Variants in FBN1 observed in about 807,000 individuals in gnomAD.
FBN1 encodes the protein fibrillin-1.
A neutral mutation model predicts 365.1 loss-of-function variants in FBN1; 29 were observed. That is an observed-to-expected ratio of 0.08 (90% CI 0.06 to 0.11). The LOEUF (loss-of-function observed/expected upper bound fraction) is 0.11. Among genes scored for constraint, FBN1 ranks in the 10% least tolerant of loss-of-function variants. The pLI, the probability that FBN1 is intolerant of heterozygous loss-of-function variation, is 1.00. For missense variants in FBN1, 2,476 were observed against 3,703.2 expected (o/e 0.67, Z 8.60); for synonymous variants, 1,210 against 1,270.5 (o/e 0.95, Z 1.01).
intron 4 of FBN1, among the ~76,000 whole-genome samples, chr15:48,603,378 G>A (rs1439013443): frequency 1.3e-5 from 2 of 151,972 alleles, no homozygotes; most frequent in Admixed American, 6.6e-5. Flanking sequence ...AACTGTATTC[G>A]TTGTGAGTCT....
At chr15:48,621,578 A>G (rs1889766222) in intron 2 of FBN1, among the ~76,000 whole-genome samples, 1 of 152,256 alleles carries the variant, frequency 6.6e-6, no homozygotes, top group South Asian at 2.1e-4. Flanking sequence ...CTAAGAAAAC[A>G]TGACTACTAA....
chr15:48,497,345 G>T lies in FBN1; in HGVS notation c.2214C>A (p.Ile738=). Residue 738 remains isoleucine, a synonymous_variant, in exon 19 of 66, where the codon ATC becomes ATA. Transcript: ENST00000316623. ...ALDPDICPNG[I]CENLRGTYKC... ...TATAGGTCCCACGAAGGTTTTCACA[G>T]ATTCCATTTGGGCAAATATCAGGAT... 1 of 1,613,892 alleles carries T rather than the reference G, an allele frequency of 6.2e-7. No individual in the cohort carries two copies. The highest frequency in any genetic ancestry group is 8.5e-7 in the Non-Finnish European group (1 of 1,179,820).
At chr15:48,623,110 T>C (rs948118848) in intron 2 of FBN1, among the ~76,000 whole-genome samples, 1 of 152,252 alleles carries the variant, frequency 6.6e-6, no homozygotes, top group Non-Finnish European at 1.5e-5. Context: ...ATGTCTATTA[T>C]GCCTAGACTA....
At chr15:48,572,882 A>G (rs2044316683) in intron 6 of FBN1, among the ~76,000 whole-genome samples, 2 of 152,216 alleles carry the variant, frequency 1.3e-5, no homozygotes, top group African/African-American at 4.8e-5. Flanking sequence ...CTTATTAGTC[A>G]CTGCACTGTT....
intron 6 of FBN1, among the ~76,000 whole-genome samples, chr15:48,568,038 A>AAAG (rs781583852): frequency 4.3e-3 from 395 of 91,532 alleles, no homozygotes; most frequent in African/African-American, 0.025. Context: ...AGAAAGAAAG[A>AAAG]AAGAAAGAAA....
chr15:48,539,923 TC>T (rs1168459636), intron 6 of FBN1, among the ~76,000 whole-genome samples: 1 of 152,216 alleles, frequency 6.6e-6, no homozygotes, highest in Non-Finnish European at 1.5e-5. Flanking sequence ...GCTATCTTCT[TC>T]CACAGATACT....
intron 2 of FBN1, chr15:48,644,096 TG>T (rs1890245943): frequency 6.2e-6 from 1 of 161,762 alleles, no homozygotes; most frequent in African/African-American, 2.4e-5. Flanking sequence ...AAGGAAGCAT[TG>T]CCCAGAAAAC....
Position 48,488,533 on chromosome 15 carries a change from A to G in FBN1, c.3083-40T>C, listed in dbSNP as rs761474829. 6 of 1,606,244 alleles carry G rather than the reference A, an allele frequency of 3.7e-6. No individual in the cohort carries two copies. In the South Asian group the frequency reaches 6.6e-5, roughly 18 times the overall value. On this transcript the variant is annotated intron_variant, in intron 25 of 65. Coordinates refer to ENST00000316623, the MANE Select transcript of FBN1 (RefSeq NM_000138.5). ...AAATGTGGGGCAAAATAAGTTTATG[A>G]GCAAGCAGTCAGGAGGTCTCAATGC...
chr15:48,474,114 T>TC (rs1373745254), intron 34 of FBN1, 141 bp downstream of exon 34: 30 of 1,290,680 alleles, frequency 2.3e-5, no homozygotes, highest in Non-Finnish European at 3.1e-5. Context: ...ATTTTTTTTT[T>TC]CCCACAGAGC....
chr15:48,604,000 T>C (rs1253223694), intron 4 of FBN1, among the ~76,000 whole-genome samples: 1 of 152,216 alleles, frequency 6.6e-6, no homozygotes, highest in African/African-American at 2.4e-5. Flanking sequence ...ATTTCAGTCA[T>C]TCAACAGTGA....
intron 58 of FBN1, among the ~76,000 whole-genome samples, chr15:48,426,410 C>T (rs185468214): frequency 1.3e-5 from 2 of 152,230 alleles, no homozygotes; most frequent in East Asian, 3.9e-4. Context: ...CTTCTGTCCT[C>T]TGGTGAGGGG....
chr15:48,521,629 C>T (rs563450587), intron 9 of FBN1, among the ~76,000 whole-genome samples: 2 of 152,334 alleles, frequency 1.3e-5, no homozygotes, highest in East Asian at 3.9e-4. Context: ...CAGCGCAGCT[C>T]TGGGTTACGG....
At chr15:48,586,773 T>A (rs1364473440) in intron 6 of FBN1, among the ~76,000 whole-genome samples, 1 of 152,172 alleles carries the variant, frequency 6.6e-6, no homozygotes, top group Non-Finnish European at 1.5e-5. Flanking sequence ...ATCTTTAAAA[T>A]GAGGATCATA....
chr15:48,456,063 A>T lies in FBN1; in HGVS notation c.5422+574T>A, dbSNP rs541546241. ...TTTCCCAGATGCAGGAAAAAATATGAAGTGCTATAAGGAATGCTCCGAATC... is the reference window on the plus strand; with the variant it reads ...TTTCCCAGATGCAGGAAAAAATATGTAGTGCTATAAGGAATGCTCCGAATC... On this transcript the variant is annotated intron_variant, in intron 44 of 65. Transcript: ENST00000316623. Among the ~76,000 whole-genome samples the T allele has an allele frequency of 7.9e-5, 12 of 152,338 alleles. No homozygotes were observed. The South Asian group carries it at 2.5e-3, about 32-fold the overall frequency.
intron 8 of FBN1, among the ~76,000 whole-genome samples, chr15:48,530,495 C>T (rs1332699918): frequency 6.6e-6 from 1 of 152,134 alleles, no homozygotes; most frequent in Non-Finnish European, 1.5e-5. Context: ...GACTTGACCA[C>T]GGGGCATCAA....
Position 48,495,075 on chromosome 15 carries a change from CAAAGACCATTGGAG to C in FBN1, c.2677+34_2677+47del, listed in dbSNP as rs1242211315. The C allele has an allele frequency of 1.9e-6, 3 of 1,612,422 alleles. No homozygotes were observed. In the Admixed American group the frequency reaches 5.0e-5, roughly 27 times the overall value. ...AAATACTAGGCTTCCCCTTTTTATG[CAAAGACCATTGGAG>C]TGGTATAGGAACCACAGCATGGGTT... On this transcript the variant is annotated intron_variant, in intron 22 of 65. Transcript: ENST00000316623.
chr15:48,463,421 A>G (rs2043296370), intron 41 of FBN1, among the ~76,000 whole-genome samples, 181 bp from the exon 42 acceptor site: 1 of 152,320 alleles, frequency 6.6e-6, no homozygotes, highest in African/African-American at 2.4e-5. Flanking sequence ...CTGCTACAAG[A>G]TAAAGGACTT....
In FBN1 at chr15:48,568,049, G is replaced by GAAGAAAGAAAGAAAGAAAGAAAGA. The variant is rs1555403283; in HGVS notation, c.538+28210_538+28233dup. On this transcript the variant is annotated intron_variant, in intron 6 of 65. Coordinates refer to ENST00000316623, the MANE Select transcript of FBN1 (RefSeq NM_000138.5). Reference sequence around the variant, plus strand: ...AGAAAGAAAGAAAGAAAGAAAGAAAGAAGAAAGAAAGAAAGAAAGAAAGAA... The same window carrying GAAGAAAGAAAGAAAGAAAGAAAGA: ...AGAAAGAAAGAAAGAAAGAAAGAAAGAAGAAAGAAAGAAAGAAAGAAAGAAAGAAAGAAAGAAAGAAAGAAAGAA... Among the ~76,000 whole-genome samples the GAAGAAAGAAAGAAAGAAAGAAAGA allele has an allele frequency of 6.5e-4, 26 of 40,140 alleles. 1 individual carries two copies. Among genetic ancestry groups the GAAGAAAGAAAGAAAGAAAGAAAGA allele is most frequent in the African/African-American group, 3.3e-3 (24 of 7,322 alleles). The allele number at this position is 40,140 out of a possible 152,430, so 26.3% of individuals were successfully genotyped here. A position where few individuals can be genotyped will look rare whatever the true frequency, so the allele number is the denominator to read the frequency against.
At chr15:48,526,377 A>C (rs1054389345) in intron 8 of FBN1, 122 bp from the exon 9 acceptor site, 17 of 1,032,250 alleles carry the variant, frequency 1.6e-5, no homozygotes, top group Non-Finnish European at 2.5e-5. Context: ...ATCATTAAAA[A>C]GTAAAAACCG....
Sources: gnomAD v4.1 joint callset for allele counts (sites outside exome capture counted in the v4.1 genomes callset) on GRCh38, gnomAD v4.1.1 for gene constraint, MANE v1.5 for transcripts, NCBI Gene and HGNC (gene_info 2026-07-23, HGNC 2026-07-21) for gene names.